Variants in CFAP410 observed in about 807,000 individuals in gnomAD.
CFAP410 encodes cilia- and flagella-associated protein 410.
Under a neutral mutation model 25.7 loss-of-function variants are expected in CFAP410, and 27 were observed. That is an observed-to-expected ratio of 1.05 (90% CI 0.77 to 1.45). The LOEUF is 1.45. Among genes scored for constraint, CFAP410 ranks in the 40% most tolerant of loss-of-function variants. CFAP410 has a pLI of 0.00. For synonymous variants in CFAP410, 178 were observed against 158.4 expected (o/e 1.12, Z -0.93); for missense variants, 428 against 354.1 (o/e 1.21, Z -1.67).
At chr21:44,335,972 G>A (rs989606977) in intron 2 of CFAP410, 168 bp from the exon 3 acceptor site, 2 of 577,224 alleles carry the variant, frequency 3.5e-6, no homozygotes, top group African/African-American at 3.9e-5. Context: ...GGGCCTGAGG[G>A]GAGCGGCCCT....
At chr21:44,330,715 C>G in intron 6 of CFAP410, 108 bp downstream of exon 6, 1 of 1,549,318 alleles carries the variant, frequency 6.5e-7, no homozygotes, top group Non-Finnish European at 8.7e-7. Context: ...AGGCTCCATG[C>G]TCCCTCCCCA....
intron 2 of CFAP410, 116 bp downstream of exon 2, chr21:44,337,533 T>A (rs2047778173): frequency 4.8e-6 from 4 of 837,000 alleles, no homozygotes. Context: ...GGGACTGAAT[T>A]GATAGGTGCA....
chr21:44,333,119 T>G lies in CFAP410; in HGVS notation c.287A>C (p.Glu96Ala). Reference protein sequence around the residue: ...LPRLRVLWLAENPCCGTSPHR... With the variant: ...LPRLRVLWLAANPCCGTSPHR... The stretch of plus-strand genomic sequence containing the variant: ...GGGGCTGGTGCCGCAGCACGGGTTC[T>G]CGGCCAGCCACAGCACCCGCAGACG... The change falls in exon 4 of 7, where the codon GAG becomes GCG. Residue 96 changes from glutamate (E) to alanine (A), a missense_variant. Coordinates refer to ENST00000339818, the MANE Select transcript of CFAP410 (RefSeq NM_004928.3). 1.9e-6 allele frequency: 3 copies of G among 1,611,060 alleles called. No individual in the cohort carries two copies. The highest frequency in any genetic ancestry group is 2.5e-6 in the Non-Finnish European group (3 of 1,179,310).
In CFAP410 at chr21:44,332,509, C is replaced by T. The variant is rs566736947; in HGVS notation, c.374-495G>A. On this transcript the variant is annotated intron_variant, in intron 4 of 6. Transcript: ENST00000339818. ...GCCTGGAAAACTGTGTCGGTGCTGG[C>T]GCTGGCTAGAGGAGGCACGAGTGCC... is the stretch of plus-strand genomic sequence containing the variant. 8.5e-5 allele frequency: 14 copies of T among 164,444 alleles called. 1 individual carries two copies. The East Asian group carries it at 1.3e-3, about 15-fold the overall frequency. 10.2% of individuals were successfully genotyped at this position (164,444 alleles called of 1,614,324 possible).
chr21:44,333,054 G>GGCGCGGCAGGGT lies in CFAP410; in HGVS notation c.340_351dup (p.Thr114_Arg117dup), dbSNP rs1322189782. ...CTACCCTGGTTGTCCAGCTTCTGTA[G>GGCGCGGCAGGGT]GCGCGGCAGGGTGCGCAGCACGGTC... On this transcript the variant is annotated inframe_insertion, in exon 4 of 7. Transcript: ENST00000339818. 1.0e-5 allele frequency: 16 copies of GGCGCGGCAGGGT among 1,595,458 alleles called. No homozygotes were observed. The East Asian group carries it at 3.4e-4, about 34-fold the overall frequency.
chr21:44,331,860 G>T lies in CFAP410; in HGVS notation c.528C>A (p.Asp176Glu). Residue 176 changes from aspartate to glutamate, a missense_variant, in exon 5 of 7, where the codon GAC (aspartate) becomes GAA (glutamate). By Grantham distance (45) the Asp-to-Glu change is conservative. Transcript: ENST00000339818. ...AGCCTCACGTTGCCTCCTCCTCGCT[G>T]TCCAGCGGGTCCCGGCCAGTCTCAG... ...SAAETGRDPL[D>E]SEEEATSGAQ... 4 of 1,611,500 alleles carry T rather than the reference G, an allele frequency of 2.5e-6. No individual in the cohort carries two copies. Among genetic ancestry groups the T allele is most frequent in the Non-Finnish European group, 2.5e-6 (3 of 1,179,642 alleles).
In CFAP410 at chr21:44,329,380, T is replaced by C. The variant is rs1026234123; in HGVS notation, c.*818A>G. ...CTGACTCCCCATCTCACGTGAATGC[T>C]TCCTTGGTTTTGGGGGGCACTAGGA... On this transcript the variant is annotated 3_prime_UTR_variant, in exon 7 of 7. Coordinates refer to ENST00000339818, the MANE Select transcript of CFAP410 (RefSeq NM_004928.3). The C allele has an allele frequency of 1.3e-5, 2 of 152,230 alleles. No individual in the cohort carries two copies. The highest frequency in any genetic ancestry group is 4.8e-5 in the African/African-American group (2 of 41,436). 9.4% of individuals were successfully genotyped at this position (152,230 alleles called of 1,614,324 possible). A position where few individuals can be genotyped will look rare whatever the true frequency, so the allele number is the denominator to read the frequency against.
At position 44,329,870 on chromosome 21, in the gene CFAP410, G is replaced by C; in HGVS notation, c.*328C>G. The C allele has an allele frequency of 3.6e-6, 1 of 279,052 alleles. No individual in the cohort carries two copies. The highest frequency in any genetic ancestry group is 6.8e-6 in the Non-Finnish European group (1 of 147,780). The allele number at this position is 279,052 out of a possible 1,614,324, so 17.3% of individuals were successfully genotyped here. The stretch of plus-strand genomic sequence containing the variant: ...AGGAAGACTGTCACAACCATGCCTT[G>C]GGAAACGTCACCTCCAGATCAACCT... On this transcript the variant is annotated 3_prime_UTR_variant, in exon 7 of 7. Transcript: ENST00000339818.
In CFAP410 at chr21:44,330,863, G is replaced by C; in HGVS notation, c.602C>G (p.Ser201Cys). 1 of 1,606,348 alleles carries C rather than the reference G, an allele frequency of 6.2e-7. No homozygotes were observed. ...LKPPSRGQFP[S>C]LSARDASSSH... ...GCTCGAGGCATCCCTGGCTGAGAGG[G>C]AAGGAAACTGGCCCCGGGAAGGCGG... Residue 201 changes from serine to cysteine, a missense_variant, in exon 6 of 7, where the codon TCC becomes TGC. Ser to Cys is a moderately radical substitution (Grantham distance 112, BLOSUM62 -1). Coordinates refer to ENST00000339818, the MANE Select transcript of CFAP410 (RefSeq NM_004928.3).
rs1253329793 is a variant in CFAP410 at position 44,330,338 on chromosome 21, G to A, written c.643-12C>T. ...GCAGTCAGGACGTTCTGAGGGCAGA[G>A]GGGTGCGGACTAAGCCCACCCGGCA... On this transcript the variant is annotated splice_polypyrimidine_tract_variant and intron_variant, in intron 6 of 6. Coordinates refer to ENST00000339818, the MANE Select transcript of CFAP410 (RefSeq NM_004928.3). 2 of 1,607,960 alleles carry A rather than the reference G, an allele frequency of 1.2e-6. No individual in the cohort carries two copies. Among genetic ancestry groups the A allele is most frequent in the East Asian group, 2.2e-5 (1 of 44,748 alleles).
rs1383449904 is a variant in CFAP410 at position 44,334,221 on chromosome 21, C to T, written c.144-959G>A. On this transcript the variant is annotated intron_variant, in intron 3 of 6. Transcript: ENST00000339818. ...ACCACGCACCTGAGCTCGGTCAACA[C>T]CCCTGGGGTCCTGTCCCTCCCGAGA... 5 of 456,190 alleles carry T rather than the reference C, an allele frequency of 1.1e-5. No homozygotes were observed. The East Asian group carries it at 2.1e-4, about 19-fold the overall frequency. 28.3% of individuals were successfully genotyped at this position (456,190 alleles called of 1,614,324 possible).
At chr21:44,332,230 G>C (rs1217793977) in intron 4 of CFAP410, 1 of 491,428 alleles carries the variant, frequency 2.0e-6, no homozygotes, top group Non-Finnish European at 3.5e-6. Context: ...GATGGTGGAG[G>C]GCTGCTCAGG....
intron 5 of CFAP410, chr21:44,331,154 C>G (rs1484117561): frequency 1.7e-6 from 1 of 578,612 alleles, no homozygotes; most frequent in African/African-American, 1.9e-5. Flanking sequence ...CACCCTGGGG[C>G]TCCCCAGCTG....
At chr21:44,334,503 GGGCGGGCACGCGCACCCCCCCCCCC>G (rs2047714115) in intron 3 of CFAP410, 1 of 296,990 alleles carries the variant, frequency 3.4e-6, no homozygotes. Flanking sequence ...CTCAACCTCT[GGGCGGGCACGCGCACCCCCCCCCCC>G]CCCCCGCTCA....
chr21:44,333,024 G>T lies in CFAP410; in HGVS notation c.373+9C>A. On this transcript the variant is annotated intron_variant, in intron 4 of 6. Coordinates refer to ENST00000339818, the MANE Select transcript of CFAP410 (RefSeq NM_004928.3). ...TGGGAGGGCCGGTGACTCCGCTGCG[G>T]CCACCTACCCTGGTTGTCCAGCTTC... is the stretch of plus-strand genomic sequence containing the variant. 6.4e-7 allele frequency: 1 copy of T among 1,565,900 alleles called. No individual in the cohort carries two copies. Among genetic ancestry groups the T allele is most frequent in the South Asian group, 1.1e-5 (1 of 87,606 alleles).
At chr21:44,332,601 C>T (rs565722562) in intron 4 of CFAP410, 23 of 177,798 alleles carry the variant, frequency 1.3e-4, no homozygotes, top group East Asian at 3.1e-4. Flanking sequence ...GGCAGGGGCG[C>T]GATGGCACCG....
chr21:44,331,052 G>T, intron 5 of CFAP410, 133 bp from the exon 6 acceptor site: 1 of 809,704 alleles, frequency 1.2e-6, no homozygotes, highest in Non-Finnish European at 1.9e-6. Flanking sequence ...ACGGGGGCAA[G>T]AGAAGGGAGG....
chr21:44,332,777 A>AT (rs2047675922), intron 4 of CFAP410: 6 of 540,248 alleles, frequency 1.1e-5, no homozygotes, highest in Non-Finnish European at 2.0e-5. Context: ...CTTTGCTACC[A>AT]GGTCCTGCGG....
chr21:44,333,797 G>A (rs2146071779), intron 3 of CFAP410: 1 of 332,780 alleles, frequency 3.0e-6, no homozygotes, highest in East Asian at 8.3e-5. Context: ...CCTGGAGCGG[G>A]GACCTGCAGG....
Sources: gnomAD v4.1 joint callset for allele counts on GRCh38, gnomAD v4.1.1 for gene constraint, MANE v1.5 for transcripts, NCBI Gene and HGNC (gene_info 2026-07-23, HGNC 2026-07-21) for gene names.